The following TAMALIN variants were observed in gnomAD, a reference collection of about 807,000 sequenced individuals.
The protein encoded by TAMALIN is protein TAMALIN.
A neutral mutation model predicts 38.5 loss-of-function variants in TAMALIN; 9 were observed. The ratio of observed to expected loss-of-function variants is 0.23; its 90% CI spans 0.14 to 0.41. The LOEUF (loss-of-function observed/expected upper bound fraction) is 0.41, where lower values mean the gene tolerates loss of function less well. TAMALIN is among the 10% of genes least tolerant of loss of function. The probability of loss-of-function intolerance (pLI) is 1.00; values close to 1 mark genes in which losing one functional copy is unlikely to be tolerated. For synonymous variants in TAMALIN, 306 were observed against 256.5 expected, an observed-to-expected ratio of 1.19 and a Z score of -1.85; for missense variants, 548 against 554.1, an observed-to-expected ratio of 0.99 and a Z score of 0.11.
Position 52,007,969 on chromosome 12 carries a change from T to G in TAMALIN, c.246+704T>G. ...CCTCTGGCCCCAGGAGACCTGAGGCTCAGAACCTACACAACACCAGGTTAA... is the reference window on the plus strand; with the variant it reads ...CCTCTGGCCCCAGGAGACCTGAGGCGCAGAACCTACACAACACCAGGTTAA... On this transcript the variant is annotated intron_variant, in intron 1 of 7. Transcript: ENST00000293662. This position sits in a 1 kb window ranked among gnomAD's most constrained non-coding sequence, Gnocchi z 6.7. 1.0e-6 allele frequency: 1 copy of G among 985,390 alleles called. No individual in the cohort carries two copies. The allele number at this position is 985,390 out of a possible 1,614,324, so 61.0% of individuals were successfully genotyped here.
At position 52,014,834 on chromosome 12, in the gene TAMALIN, C is replaced by A; in HGVS notation, c.823C>A (p.Arg275=). The change falls in exon 8 of 8, where the codon CGG becomes AGG. Residue 275 remains arginine (R), a synonymous_variant. Transcript: ENST00000293662. The part of the protein sequence containing the change: ...VPGRPRGGAR[R]ARGDADDAVY... ...CGGGCGTCCCCGCGGAGGCGCCCGACGGGCCAGGGGCGACGCCGACGACGC... is the reference window on the plus strand; with the variant it reads ...CGGGCGTCCCCGCGGAGGCGCCCGAAGGGCCAGGGGCGACGCCGACGACGC... The A allele has an allele frequency of 7.7e-7, 1 of 1,304,528 alleles. No homozygotes were observed. The highest frequency in any genetic ancestry group is 9.7e-7 in the Non-Finnish European group (1 of 1,027,352). The allele number at this position is 1,304,528 out of a possible 1,614,324, so 80.8% of individuals were successfully genotyped here.
At chr12:52,014,663 C>G in intron 7 of TAMALIN, 31 bp from the exon 8 acceptor site, 1 of 1,441,692 alleles carries the variant, frequency 6.9e-7, no homozygotes, top group East Asian at 2.5e-5. Context: ...CCAGGCCTGA[C>G]CCGCCCCCTA....
Position 52,014,678 on chromosome 12 carries a change from T to TC in TAMALIN, c.683-13dup, listed in dbSNP as rs1406532098. ...CCAGGCCTGACCCGCCCCCTACCTC[T>TC]CCCGTCTCTGCGCAGGCCTGGTGGT... On this transcript the variant is annotated splice_polypyrimidine_tract_variant and intron_variant, in intron 7 of 7. Transcript: ENST00000293662. 6.8e-7 allele frequency: 1 copy of TC among 1,470,378 alleles called. No individual in the cohort carries two copies. The highest frequency in any genetic ancestry group is 2.5e-5 in the East Asian group (1 of 40,478). The allele number at this position is 1,470,378 out of a possible 1,614,324, so 91.1% of individuals were successfully genotyped here. A position where few individuals can be genotyped will look rare whatever the true frequency, so the allele number is the denominator to read the frequency against.
At chr12:52,013,134 G>A (rs1362801543) in intron 4 of TAMALIN, among the ~76,000 whole-genome samples, 1 of 145,852 alleles carries the variant, frequency 6.9e-6, no homozygotes, top group Non-Finnish European at 1.5e-5. Flanking sequence ...CTGGAGTGCA[G>A]TGGCGCGATC....
chr12:52,008,283 A>G, intron 1 of TAMALIN: 2 of 985,300 alleles, frequency 2.0e-6, no homozygotes, highest in Non-Finnish European at 2.4e-6. Context: ...TGCAGGCTCC[A>G]AAGAAAAGGG....
intron 4 of TAMALIN, among the ~76,000 whole-genome samples, chr12:52,012,749 C>T (rs1487406283): frequency 2.6e-5 from 4 of 152,212 alleles, no homozygotes; most frequent in Non-Finnish European, 5.9e-5. Flanking sequence ...ATCCATACCC[C>T]TTTTTACAGA....
At position 52,007,750 on chromosome 12, in the gene TAMALIN, C is replaced by T; in HGVS notation, c.246+485C>T. On this transcript the variant is annotated intron_variant, in intron 1 of 7. Transcript: ENST00000293662. The surrounding 1 kb of genome is among the most constrained non-coding windows in gnomAD (Gnocchi z 6.7). ...GGAGCCGCTGACTCCGGATAGCACACCCTTCCGAGGGGACTCCCCGATTCC... is the reference window on the plus strand; with the variant it reads ...GGAGCCGCTGACTCCGGATAGCACATCCTTCCGAGGGGACTCCCCGATTCC... 1 of 985,474 alleles carries T rather than the reference C, an allele frequency of 1.0e-6. No individual in the cohort carries two copies. Among genetic ancestry groups the T allele is most frequent in the Non-Finnish European group, 1.2e-6 (1 of 829,940 alleles). 61.0% of individuals were successfully genotyped at this position (985,474 alleles called of 1,614,324 possible).
rs979653032 is a variant in TAMALIN at position 52,014,446 on chromosome 12, C to T, written c.682+245C>T. ...ATCTTCACTTTACAGAGGGGAACAC[C>T]AGGGCTCAAAGAGTTTGTGTCAATT... On this transcript the variant is annotated intron_variant, in intron 7 of 7. Transcript: ENST00000293662. The T allele has an allele frequency of 5.0e-6, 3 of 601,676 alleles. No individual in the cohort carries two copies. The African/African-American group carries it at 5.6e-5, about 11-fold the overall frequency. The allele number at this position is 601,676 out of a possible 1,614,324, so 37.3% of individuals were successfully genotyped here. A position where few individuals can be genotyped will look rare whatever the true frequency, so the allele number is the denominator to read the frequency against.
chr12:52,007,372 C>T lies in TAMALIN; in HGVS notation c.246+107C>T, dbSNP rs1290254839. 9.4e-6 allele frequency: 12 copies of T among 1,275,024 alleles called. No individual in the cohort carries two copies. The highest frequency in any genetic ancestry group is 3.0e-6 in the Non-Finnish European group (3 of 1,011,214). 79.0% of individuals were successfully genotyped at this position (1,275,024 alleles called of 1,614,324 possible). Reference sequence around the variant, plus strand: ...CCTCGGCGTCCGCGGAGTCCCCCACCTTCTTCCCCGGCCCGCTGGGTGCCT... The same window carrying T: ...CCTCGGCGTCCGCGGAGTCCCCCACTTTCTTCCCCGGCCCGCTGGGTGCCT... On this transcript the variant is annotated intron_variant, in intron 1 of 7. Transcript: ENST00000293662. The surrounding 1 kb of genome is among the most constrained non-coding windows in gnomAD (Gnocchi z 6.7).
Position 52,007,347 on chromosome 12 carries a change from C to A in TAMALIN, c.246+82C>A. 2 of 1,308,224 alleles carry A rather than the reference C, an allele frequency of 1.5e-6. No individual in the cohort carries two copies. The highest frequency in any genetic ancestry group is 1.9e-6 in the Non-Finnish European group (2 of 1,028,830). The allele number at this position is 1,308,224 out of a possible 1,614,324, so 81.0% of individuals were successfully genotyped here. ...GCCTGCTGACTCCGCAGTGCCCTCTCCTCGGCGTCCGCGGAGTCCCCCACC... is the reference window on the plus strand; with the variant it reads ...GCCTGCTGACTCCGCAGTGCCCTCTACTCGGCGTCCGCGGAGTCCCCCACC... On this transcript the variant is annotated intron_variant, in intron 1 of 7. Coordinates refer to ENST00000293662, the MANE Select transcript of TAMALIN (RefSeq NM_181711.4). The surrounding 1 kb of genome is among the most constrained non-coding windows in gnomAD (Gnocchi z 6.7).
intron 4 of TAMALIN, chr12:52,013,425 C>T: frequency 4.3e-6 from 2 of 462,150 alleles, no homozygotes; most frequent in Non-Finnish European, 4.0e-6. Context: ...GTGTGAGGTC[C>T]CCACCCTTTG....
chr12:52,014,267 C>T lies in TAMALIN; in HGVS notation c.682+66C>T, dbSNP rs896882663. The T allele has an allele frequency of 3.7e-6, 5 of 1,347,128 alleles. No individual in the cohort carries two copies. In the East Asian group the frequency reaches 1.2e-4, roughly 33 times the overall value. The allele number at this position is 1,347,128 out of a possible 1,614,324, so 83.4% of individuals were successfully genotyped here. A position where few individuals can be genotyped will look rare whatever the true frequency, so the allele number is the denominator to read the frequency against. On this transcript the variant is annotated intron_variant, in intron 7 of 7. Coordinates refer to ENST00000293662, the MANE Select transcript of TAMALIN (RefSeq NM_181711.4). Reference sequence around the variant, plus strand: ...ACAGACACCCCATCTGCGCTTCCCCCTCAGAACTGGCGGGTTCTAGTAAAG... The same window carrying T: ...ACAGACACCCCATCTGCGCTTCCCCTTCAGAACTGGCGGGTTCTAGTAAAG...
In TAMALIN at chr12:52,015,089, C is replaced by G. The variant is rs139529598; in HGVS notation, c.1078C>G (p.Leu360Val). Residue 360 changes from leucine to valine, a missense_variant, in exon 8 of 8, where the codon CTA becomes GTA. Coordinates refer to ENST00000293662, the MANE Select transcript of TAMALIN (RefSeq NM_181711.4). ...ALWTEAREQA[L>V]CGPGLRKTKY... ...CTGGACTGAGGCTCGCGAGCAGGCC[C>G]TATGCGGCCCCGGCCTGCGCAAAAC... 1.3e-6 allele frequency: 2 copies of G among 1,544,106 alleles called. No homozygotes were observed. Among genetic ancestry groups the G allele is most frequent in the East Asian group, 4.8e-5 (2 of 41,450 alleles).
intron 7 of TAMALIN, 129 bp downstream of exon 7, chr12:52,014,330 T>C (rs969283814): frequency 1.3e-6 from 1 of 790,020 alleles, no homozygotes; most frequent in Non-Finnish European, 2.2e-6. Context: ...AAAGCAAGGT[T>C]TGTTGAGCTA....
chr12:52,014,631 C>T, intron 7 of TAMALIN, 63 bp from the exon 8 acceptor site: 5 of 1,296,040 alleles, frequency 3.9e-6, no homozygotes, highest in Non-Finnish European at 5.1e-6. Context: ...GCCCTCCGAC[C>T]CTTTGCAGAG....
rs779001381 is a variant in TAMALIN, at chr12:52,013,665, A to G, written c.455-22A>G. ...CTAGCATGCCCCATGGAGCAAATCT[A>G]ACCCCCTTGTCTGCCTGGCAGGGGA... On this transcript the variant is annotated intron_variant, in intron 4 of 7. Coordinates refer to ENST00000293662, the MANE Select transcript of TAMALIN (RefSeq NM_181711.4). 3.1e-6 allele frequency: 5 copies of G among 1,610,442 alleles called. No individual in the cohort carries two copies. In the South Asian group the frequency reaches 5.5e-5, roughly 18 times the overall value.
At position 52,015,210 on chromosome 12, in the gene TAMALIN, G is replaced by A; in HGVS notation, c.*11G>A. The A allele has an allele frequency of 1.3e-6, 2 of 1,577,206 alleles. No individual in the cohort carries two copies. The highest frequency in any genetic ancestry group is 1.1e-5 in the South Asian group (1 of 89,398). On this transcript the variant is annotated 3_prime_UTR_variant, in exon 8 of 8. Coordinates refer to ENST00000293662, the MANE Select transcript of TAMALIN (RefSeq NM_181711.4). The stretch of plus-strand genomic sequence containing the variant: ...GAGAGCCAGCTGTAGGGGCGGGGGC[G>A]GGCAGGGAGGTATTTATTTATTTAT...
chr12:52,010,838 C>T, intron 2 of TAMALIN, 43 bp from the exon 3 acceptor site: 2 of 1,609,522 alleles, frequency 1.2e-6, no homozygotes, highest in Non-Finnish European at 1.7e-6. Context: ...GGGACTTCTA[C>T]ACCTTTTAAT....
rs940170655 is a variant in TAMALIN, at chr12:52,008,141, G to A, written c.246+876G>A. ...CAAAGGGGTCTCTCTGTGCTGCCCA[G>A]TCCTTCCTCCCTGGCCGTTTGGGAA... On this transcript the variant is annotated intron_variant, in intron 1 of 7. Coordinates refer to ENST00000293662, the MANE Select transcript of TAMALIN (RefSeq NM_181711.4). The A allele has an allele frequency of 3.0e-6, 3 of 985,304 alleles. No homozygotes were observed. In the African/African-American group the frequency reaches 5.2e-5, roughly 17 times the overall value. 61.0% of individuals were successfully genotyped at this position (985,304 alleles called of 1,614,324 possible).
Sources: gnomAD v4.1 joint callset for allele counts (sites outside exome capture counted in the v4.1 genomes callset) on GRCh38, gnomAD v4.1.1 for gene constraint, Gnocchi (gnomAD v3.1) non-coding constraint, MANE v1.5 for transcripts, NCBI Gene and HGNC (gene_info 2026-07-23, HGNC 2026-07-21) for gene names.